Variants in EHBP1 observed in about 807,000 individuals in gnomAD.
The protein encoded by EHBP1 is EH domain-binding protein 1.
A neutral mutation model predicts 144.0 loss-of-function variants in EHBP1; 55 were observed. The ratio of observed to expected loss-of-function variants is 0.38; its 90% CI spans 0.31 to 0.48. The LOEUF (loss-of-function observed/expected upper bound fraction) is 0.48, where lower values mean the gene tolerates loss of function less well. Ranked by LOEUF, EHBP1 falls within the 20% of genes least tolerant of loss-of-function variation. The pLI, the probability that EHBP1 is intolerant of heterozygous loss-of-function variation, is 0.98. For missense variants in EHBP1, 1,200 were observed against 1,364.2 expected (o/e 0.88, Z 1.90); for synonymous variants, 469 against 472.7 (o/e 0.99, Z 0.10).
At chr2:62,808,223 T>TA (rs2152519731) in intron 5 of EHBP1, among the ~76,000 whole-genome samples, 1 of 151,730 alleles carries the variant, frequency 6.6e-6, no homozygotes, top group East Asian at 1.9e-4. Flanking sequence ...TGTTCCTTTT[T>TA]TTTTTTTTTT....
At chr2:63,028,508 G>A (rs921332317) in intron 19 of EHBP1, among the ~76,000 whole-genome samples, 15 of 151,784 alleles carry the variant, frequency 9.9e-5, no homozygotes, top group African/African-American at 3.6e-4. Flanking sequence ...AGGCTCGAGT[G>A]ATCCTCCCCT....
At chr2:62,844,376 A>G (rs1190541396) in intron 7 of EHBP1, among the ~76,000 whole-genome samples, 1 of 152,192 alleles carries the variant, frequency 6.6e-6, no homozygotes, top group Non-Finnish European at 1.5e-5. Flanking sequence ...CTATAGATAC[A>G]TTTTACTGAG....
At chr2:62,784,953 G>A (rs1465777224) in intron 5 of EHBP1, among the ~76,000 whole-genome samples, 1 of 152,114 alleles carries the variant, frequency 6.6e-6, no homozygotes, top group East Asian at 1.9e-4. Flanking sequence ...AAGCTATCAG[G>A]AAGCATGGAA....
intron 10 of EHBP1, among the ~76,000 whole-genome samples, chr2:62,895,380 TC>T (rs1278946768): frequency 6.6e-6 from 1 of 152,114 alleles, no homozygotes; most frequent in Non-Finnish European, 1.5e-5. Context: ...GCATAGCACT[TC>T]CAGAGGAGCT....
chr2:62,968,235 A>T (rs1343313272), intron 14 of EHBP1, among the ~76,000 whole-genome samples: 2 of 152,200 alleles, frequency 1.3e-5, no homozygotes, highest in South Asian at 4.1e-4. Flanking sequence ...TAGAAGTTAC[A>T]AAGATTAGGA....
chr2:62,994,394 C>G (rs959460630), intron 18 of EHBP1, among the ~76,000 whole-genome samples: 1 of 152,046 alleles, frequency 6.6e-6, no homozygotes, highest in Non-Finnish European at 1.5e-5. Context: ...TTTCCATTAT[C>G]CAGATCAGCC....
Position 62,990,826 on chromosome 2 carries a change from G to A in EHBP1, c.2719G>A (p.Glu907Lys). 1.2e-6 allele frequency: 2 copies of A among 1,613,340 alleles called. No individual in the cohort carries two copies. The highest frequency in any genetic ancestry group is 8.5e-7 in the Non-Finnish European group (1 of 1,179,584). Residue 907 changes from glutamate to lysine, a missense_variant, in exon 16 of 23, where the codon GAG becomes AAG. By Grantham distance (56) the Glu-to-Lys change is moderately conservative (BLOSUM62 1). Transcript: ENST00000431489. ...CCAGAAAGCTGTAACTGAGAGCTCA[G>A]AGCAGGACATGAAAGTAAGTCTTAC... ...AAQKAVTESS[E>K]QDMKSGTEDL...
rs577526992 is a variant in EHBP1, at chr2:62,751,308, A to C, written c.162+3856A>C. 6.6e-5 allele frequency among the ~76,000 whole-genome samples: 10 copies of C among 152,228 alleles called. No homozygotes were observed. The South Asian group carries it at 1.5e-3, about 22-fold the overall frequency. ...CATTTATTGATTTTCGTATGTTGAA[A>C]CAGCCTTGCATTCCAGGGATGAAGC... On this transcript the variant is annotated intron_variant, in intron 3 of 22. Coordinates refer to ENST00000431489, the MANE Select transcript of EHBP1 (RefSeq NM_001142616.3).
upstream of EHBP1, among the ~76,000 whole-genome samples, chr2:62,701,079 C>T (rs1196610269): frequency 6.6e-6 from 1 of 152,134 alleles, no homozygotes; most frequent in Non-Finnish European, 1.5e-5. Flanking sequence ...TCATTACATC[C>T]CCTCCAAGTT....
intron 21 of EHBP1, among the ~76,000 whole-genome samples, chr2:63,039,443 G>T (rs2061573385): frequency 1.3e-5 from 2 of 151,888 alleles, no homozygotes; most frequent in South Asian, 2.1e-4. Flanking sequence ...TAATTCTTAG[G>T]TGCTTTATAA....
At chr2:62,901,016 TCAA>T (rs1271965229) in intron 10 of EHBP1, among the ~76,000 whole-genome samples, 1 of 152,196 alleles carries the variant, frequency 6.6e-6, no homozygotes, top group African/African-American at 2.4e-5. Context: ...TCATTTAAAG[TCAA>T]CAACACTATA....
chr2:62,859,799 A>G (rs2049360303), intron 8 of EHBP1, among the ~76,000 whole-genome samples: 1 of 152,016 alleles, frequency 6.6e-6, no homozygotes, highest in African/African-American at 2.4e-5. Context: ...AAAACCAGGG[A>G]TTTTTTTTCC....
intron 5 of EHBP1, among the ~76,000 whole-genome samples, chr2:62,789,064 C>G (rs1254309939): frequency 2.0e-5 from 3 of 152,192 alleles, no homozygotes; most frequent in Non-Finnish European, 2.9e-5. Flanking sequence ...GATCCAGAGT[C>G]ACACCTATGG....
chr2:62,993,863 T>G lies in EHBP1; in HGVS notation c.2873-8T>G, dbSNP rs763045804. ...AATTTTACATGTCTTTCCTCTTTTT[T>G]TTTTAAGAGATGAAAAGGCAGAGAT... On this transcript the variant is annotated splice_region_variant and splice_polypyrimidine_tract_variant and intron_variant, in intron 17 of 22. Transcript: ENST00000431489. 2 of 1,531,768 alleles carry G rather than the reference T, an allele frequency of 1.3e-6. No individual in the cohort carries two copies. The highest frequency in any genetic ancestry group is 1.8e-6 in the Non-Finnish European group (2 of 1,141,540). 94.9% of individuals were successfully genotyped at this position (1,531,768 alleles called of 1,614,324 possible). A position where few individuals can be genotyped will look rare whatever the true frequency, so the allele number is the denominator to read the frequency against.
chr2:62,722,674 CTTTGT>C lies in EHBP1; in HGVS notation c.104+15384_104+15388del, dbSNP rs2036351108. 2.0e-5 allele frequency among the ~76,000 whole-genome samples: 3 copies of C among 152,138 alleles called. No homozygotes were observed. In the South Asian group the frequency reaches 6.2e-4, roughly 32 times the overall value. The stretch of plus-strand genomic sequence containing the variant: ...CTTTAATCTGGTAGAATTCCTCAGT[CTTTGT>C]TTTGACACTTGACACTTCTTAAGTG... On this transcript the variant is annotated intron_variant, in intron 2 of 22. Transcript: ENST00000431489.
rs549492763 is a variant in EHBP1, at chr2:63,022,405, C to T, written c.3104-15130C>T. 2.0e-5 allele frequency among the ~76,000 whole-genome samples: 3 copies of T among 152,258 alleles called. No homozygotes were observed. The East Asian group carries it at 5.8e-4, about 29-fold the overall frequency. ...TCTCAGCTCACTGCAACCTCCACCT[C>T]CCAGGTTCAAGTGATTCTCTTGCCT... is the stretch of plus-strand genomic sequence containing the variant. On this transcript the variant is annotated intron_variant, in intron 19 of 22. Transcript: ENST00000431489.
At chr2:63,003,843 A>T (rs895552614) in intron 19 of EHBP1, among the ~76,000 whole-genome samples, 1 of 152,196 alleles carries the variant, frequency 6.6e-6, no homozygotes, top group South Asian at 2.1e-4. Flanking sequence ...ATTTAATTTT[A>T]TAGTTTAGAA....
intron 5 of EHBP1, among the ~76,000 whole-genome samples, chr2:62,803,968 A>C (rs1481410475): frequency 6.6e-6 from 1 of 152,172 alleles, no homozygotes; most frequent in South Asian, 2.1e-4. Flanking sequence ...AATACTATCT[A>C]CTTCCTAGGA....
intron 10 of EHBP1, among the ~76,000 whole-genome samples, chr2:62,893,039 A>T (rs2052590510): frequency 2.0e-5 from 3 of 152,164 alleles, no homozygotes; most frequent in African/African-American, 7.2e-5. Context: ...TTTCCAAAAG[A>T]TATTTTTCAA....
Sources: gnomAD v4.1 joint callset for allele counts (sites outside exome capture counted in the v4.1 genomes callset) on GRCh38, gnomAD v4.1.1 for gene constraint, MANE v1.5 for transcripts, NCBI Gene and HGNC (gene_info 2026-07-23, HGNC 2026-07-21) for gene names.